FBXO34: variants seen among roughly 807,000 people sequenced by gnomAD.
FBXO34 encodes the protein F-box protein 34.
Under a neutral mutation model 24.5 loss-of-function variants are expected in FBXO34, and 12 were observed. That is an observed-to-expected ratio of 0.49 (90% CI 0.31 to 0.79). The LOEUF (loss-of-function observed/expected upper bound fraction) is 0.79. Among genes scored for constraint, FBXO34 ranks in the 30% least tolerant of loss-of-function variants. The pLI is 0.04. For synonymous variants in FBXO34, 320 were observed against 311.9 expected (o/e 1.03, Z -0.27); for missense variants, 823 against 857.7 (o/e 0.96, Z 0.51).
At chr14:55,416,405 A>G in the FBXO34 span, among the ~76,000 whole-genome samples, 1 of 152,200 alleles carries the variant, frequency 6.6e-6, no homozygotes, top group Non-Finnish European at 1.5e-5. Context: ...CAGCCCGGGT[A>G]ACATAGGGAC....
At chr14:55,366,526 C>T (rs745365088), downstream of FBXO34, 9 of 152,578 alleles carry the variant, frequency 5.9e-5, no homozygotes, top group Non-Finnish European at 1.2e-4. Flanking sequence ...GGACACTAGT[C>T]CTCTAACAGC....
chr14:55,297,790 G>C (rs1252003266), intron 1 of FBXO34, among the ~76,000 whole-genome samples: 1 of 152,060 alleles, frequency 6.6e-6, no homozygotes, highest in African/African-American at 2.4e-5. Context: ...GGTAAAAAAA[G>C]AAATCTTGGA....
chr14:55,369,489 GACAAA>G (rs561120147), downstream of FBXO34: 3,357 of 944,836 alleles, frequency 3.6e-3, 11 homozygotes, highest in Non-Finnish European at 4.2e-3. Context: ...TGCTTAAAAA[GACAAA>G]ACAAAACAAC....
intron 1 of FBXO34, chr14:55,299,276 G>T: frequency 1.3e-6 from 1 of 767,600 alleles, no homozygotes; most frequent in Non-Finnish European, 2.4e-6. Context: ...GTCCAGCGCG[G>T]GCAGGATGGA....
chr14:55,313,397 A>G (rs1303980492), intron 1 of FBXO34, among the ~76,000 whole-genome samples: 2 of 152,078 alleles, frequency 1.3e-5, no homozygotes, highest in Admixed American at 6.6e-5. Flanking sequence ...CCACATCTTC[A>G]TGTCTTCTTC....
At position 55,352,235 on chromosome 14, in the gene FBXO34, G is replaced by T; in HGVS notation, c.1845G>T (p.Arg615Ser). The change falls in exon 2 of 2, where the codon AGG becomes AGT. Residue 615 changes from arginine (R) to serine (S), a missense_variant. By Grantham distance (110) the Arg-to-Ser change is moderately radical. Transcript: ENST00000313833. The stretch of plus-strand genomic sequence containing the variant: ...TTATCATTGAGTACTACAATATCAG[G>T]CCAGCAGATTCTCGCTGGGTTCGAG... Reference protein sequence around the residue: ...FKFIIEYYNIRPADSRWVRDP... With the variant: ...FKFIIEYYNISPADSRWVRDP... 1 of 1,614,000 alleles carries T rather than the reference G, an allele frequency of 6.2e-7. No individual in the cohort carries two copies. The highest frequency in any genetic ancestry group is 8.5e-7 in the Non-Finnish European group (1 of 1,179,972).
At chr14:55,299,275 G>A (rs965251825) in intron 1 of FBXO34, 13 of 767,142 alleles carry the variant, frequency 1.7e-5, no homozygotes, top group African/African-American at 5.2e-5. Context: ...GGTCCAGCGC[G>A]GGCAGGATGG....
At chr14:55,432,681 C>T in the FBXO34 span, among the ~76,000 whole-genome samples, 8 of 152,082 alleles carry the variant, frequency 5.3e-5, no homozygotes, top group Non-Finnish European at 1.0e-4. Context: ...AAAAGAATAT[C>T]GACACCCAGT....
At chr14:55,317,614 A>G (rs1486603020) in intron 1 of FBXO34, among the ~76,000 whole-genome samples, 1 of 152,264 alleles carries the variant, frequency 6.6e-6, no homozygotes, top group East Asian at 1.9e-4. Flanking sequence ...GTATAGTAAT[A>G]TATACTGTGC....
At chr14:55,280,054 T>C (rs764667013) in intron 1 of FBXO34, among the ~76,000 whole-genome samples, 1 of 152,388 alleles carries the variant, frequency 6.6e-6, no homozygotes, top group African/African-American at 2.4e-5. Context: ...GTCCATTGGA[T>C]TGTGGAAAGA....
the FBXO34 span, among the ~76,000 whole-genome samples, chr14:55,442,273 C>T: frequency 6.6e-6 from 1 of 151,340 alleles, no homozygotes; most frequent in Non-Finnish European, 1.5e-5. Flanking sequence ...CCTGTAATCC[C>T]AGCTACTCAG....
the FBXO34 span, among the ~76,000 whole-genome samples, chr14:55,384,021 A>G: frequency 3.3e-5 from 5 of 152,204 alleles, no homozygotes; most frequent in African/African-American, 4.8e-5. Flanking sequence ...CAACATACGT[A>G]TAAGATAGCT....
chr14:55,289,327 GTT>G (rs920713990), intron 1 of FBXO34, among the ~76,000 whole-genome samples: 15 of 152,150 alleles, frequency 9.9e-5, no homozygotes, highest in African/African-American at 3.4e-4. Context: ...TTTCAAAAAA[GTT>G]TGTATATTTT....
chr14:55,380,553 T>C, the FBXO34 span: 2 of 1,479,020 alleles, frequency 1.4e-6, no homozygotes, highest in Non-Finnish European at 1.9e-6. Context: ...AAGATGACAT[T>C]ACCACCTTCA....
chr14:55,323,951 A>G (rs1255244786), intron 1 of FBXO34, among the ~76,000 whole-genome samples: 1 of 152,178 alleles, frequency 6.6e-6, no homozygotes, highest in African/African-American at 2.4e-5. Context: ...TCACCCTTTG[A>G]AAGTGTACAG....
At chr14:55,338,767 A>C (rs991083859) in intron 1 of FBXO34, among the ~76,000 whole-genome samples, 2 of 152,028 alleles carry the variant, frequency 1.3e-5, no homozygotes, top group East Asian at 3.9e-4. Context: ...TTAGCTGGGC[A>C]TGGTGGCAGG....
In FBXO34 at chr14:55,350,432, C is replaced by A; in HGVS notation, c.42C>A (p.His14Gln). 1.3e-6 allele frequency: 2 copies of A among 1,598,700 alleles called. No individual in the cohort carries two copies. Among genetic ancestry groups the A allele is most frequent in the Non-Finnish European group, 1.7e-6 (2 of 1,174,450 alleles). The change falls in exon 2 of 2, where the codon CAC becomes CAA. Residue 14 changes from histidine (H) to glutamine (Q), a missense_variant. Around this residue, in one of 2 missense-constraint regions of FBXO34, gnomAD observed 693 missense variants for 659.1 expected, o/e 1.05. Coordinates refer to ENST00000313833, the MANE Select transcript of FBXO34 (RefSeq NM_017943.4). ...KPYWKLQKKE[H>Q]PPEVSRETQR... Reference sequence around the variant, plus strand: ...ATTGGAAGCTCCAGAAGAAAGAGCACCCCCCGGAAGTCAGCAGGGAAACGC... The same window carrying A: ...ATTGGAAGCTCCAGAAGAAAGAGCAACCCCCGGAAGTCAGCAGGGAAACGC...
intron 1 of FBXO34, among the ~76,000 whole-genome samples, chr14:55,327,895 T>TTTG (rs1175073337): frequency 1.4e-5 from 2 of 147,992 alleles, no homozygotes; most frequent in African/African-American, 4.9e-5. Flanking sequence ...TATGATTTTC[T>TTTG]TTGTTGTTGT....
intron 1 of FBXO34, among the ~76,000 whole-genome samples, chr14:55,301,164 C>T (rs573119891): frequency 4.3e-4 from 66 of 152,148 alleles, no homozygotes; most frequent in African/African-American, 9.2e-4. Flanking sequence ...TGGCTGGGCA[C>T]GGTGGCTCAT....
Sources: gnomAD v4.1 joint callset for allele counts (sites outside exome capture counted in the v4.1 genomes callset) on GRCh38, gnomAD v4.1.1 for gene constraint, gnomAD v4.1.1 regional missense constraint, MANE v1.5 for transcripts, NCBI Gene and HGNC (gene_info 2026-07-23, HGNC 2026-07-21) for gene names.